Variants in KIAA1549 observed in about 807,000 individuals in gnomAD.
The protein encoded by KIAA1549 is UPF0606 protein KIAA1549.
KIAA1549 carries 70 observed loss-of-function variants against 156.4 expected under a neutral mutation model. The observed-to-expected ratio is 0.45, with a 90% CI of 0.37 to 0.55. The LOEUF is 0.55. Among genes scored for constraint, KIAA1549 ranks in the 20% least tolerant of loss-of-function variants. The probability of loss-of-function intolerance (pLI) is 0.00; values close to 1 mark genes in which losing one functional copy is unlikely to be tolerated. For missense variants in KIAA1549, 2,428 were observed against 2,540.9 expected, an observed-to-expected ratio of 0.96 and a Z score of 0.96; for synonymous variants, 1,103 against 1,066.4, an observed-to-expected ratio of 1.03 and a Z score of -0.67.
chr7:138,906,912 TA>T lies in KIAA1549; in HGVS notation c.3460+6del. ...CTCCCCAGCATGTCCAAGAGGGCTG[TA>T]CTCACGCTCTGCGATCTGCAGCACT... On this transcript the variant is annotated splice_donor_region_variant and intron_variant, in intron 6 of 19. Transcript: ENST00000422774. 6.3e-7 allele frequency: 1 copy of T among 1,580,876 alleles called. No homozygotes were observed. Among genetic ancestry groups the T allele is most frequent in the Non-Finnish European group, 8.6e-7 (1 of 1,165,962 alleles).
intron 10 of KIAA1549, among the ~76,000 whole-genome samples, chr7:138,883,461 C>A (rs953817199): frequency 2.6e-5 from 4 of 151,752 alleles, no homozygotes; most frequent in Non-Finnish European, 5.9e-5. Flanking sequence ...TAAGGGTGCA[C>A]GCCACCATGC....
At chr7:138,884,458 T>C (rs1350811845) in intron 10 of KIAA1549, among the ~76,000 whole-genome samples, 1 of 152,104 alleles carries the variant, frequency 6.6e-6, no homozygotes, top group African/African-American at 2.4e-5. Flanking sequence ...TTGTAGAGTT[T>C]AGGCAAAACT....
At chr7:138,913,255 C>G (rs903428160) in intron 2 of KIAA1549, among the ~76,000 whole-genome samples, 1 of 152,110 alleles carries the variant, frequency 6.6e-6, no homozygotes, top group Non-Finnish European at 1.5e-5. Context: ...GGTCTCCTAC[C>G]CCAATGTTTC....
At chr7:138,878,677 G>A (rs1213544579) in intron 12 of KIAA1549, among the ~76,000 whole-genome samples, 4 of 151,926 alleles carry the variant, frequency 2.6e-5, no homozygotes, top group Admixed American at 1.3e-4. Context: ...TGGGAGGATC[G>A]CCTGAGCCTG....
intron 1 of KIAA1549, among the ~76,000 whole-genome samples, chr7:138,920,169 T>C (rs1344439012): frequency 2.1e-5 from 3 of 145,604 alleles, no homozygotes; most frequent in African/African-American, 7.8e-5. Context: ...TGGAATGCCC[T>C]TCCCAGCTCT....
In KIAA1549 at chr7:138,917,697, T is replaced by C; in HGVS notation, c.1929A>G (p.Glu643=). The C allele has an allele frequency of 6.2e-7, 1 of 1,605,948 alleles. No homozygotes were observed. The highest frequency in any genetic ancestry group is 8.5e-7 in the Non-Finnish European group (1 of 1,175,890). ...GCATCAGAGACAGAGACGCAGGTGC[T>C]TCCGAAGGCGAAGAGATGGAGCCGC... is the stretch of plus-strand genomic sequence containing the variant. ...ELSGSISSPS[E]APASLSLMPS... The change falls in exon 2 of 20, where the codon GAA becomes GAG. Residue 643 remains glutamate (E), a synonymous_variant. Coordinates refer to ENST00000422774, the MANE Select transcript of KIAA1549 (RefSeq NM_001164665.2).
chr7:138,879,725 T>C (rs1811191053), intron 11 of KIAA1549, 72 bp from the exon 12 acceptor site: 1 of 1,021,460 alleles, frequency 9.8e-7, no homozygotes, highest in Admixed American at 2.5e-5. Flanking sequence ...CATTAATTTG[T>C]GTGTGGAAGT....
intron 1 of KIAA1549, among the ~76,000 whole-genome samples, chr7:138,951,993 G>A (rs1387447027): frequency 6.6e-6 from 1 of 152,182 alleles, no homozygotes. Flanking sequence ...CATGAATGCT[G>A]GGTTAACCAA....
At chr7:138,946,556 G>C (rs1813343571) in intron 1 of KIAA1549, among the ~76,000 whole-genome samples, 1 of 152,174 alleles carries the variant, frequency 6.6e-6, no homozygotes, top group Non-Finnish European at 1.5e-5. Flanking sequence ...GAGGCGGGCA[G>C]ATCACTTGAG....
chr7:138,904,279 AC>A (rs777595277), intron 7 of KIAA1549, among the ~76,000 whole-genome samples: 8 of 152,228 alleles, frequency 5.3e-5, no homozygotes, highest in Admixed American at 2.6e-4. Context: ...GTGCTTTTCA[AC>A]CAGAACTGGT....
At chr7:138,848,358 T>C (rs1030141471) in intron 17 of KIAA1549, among the ~76,000 whole-genome samples, 9 of 152,216 alleles carry the variant, frequency 5.9e-5, no homozygotes, top group African/African-American at 1.4e-4. Context: ...TTCTATTCTT[T>C]GTTTGCTAAG....
chr7:138,968,200 G>C (rs1413018495), intron 1 of KIAA1549, among the ~76,000 whole-genome samples: 2 of 152,156 alleles, frequency 1.3e-5, no homozygotes, highest in African/African-American at 4.8e-5. Context: ...AGGTGGGGTG[G>C]GAGGAGGGAG....
intron 12 of KIAA1549, among the ~76,000 whole-genome samples, chr7:138,879,040 T>C (rs933616994): frequency 1.3e-5 from 2 of 152,304 alleles, no homozygotes; most frequent in Non-Finnish European, 1.5e-5. Flanking sequence ...ACCTGGCCTG[T>C]GAAGCTGTCT....
Position 138,838,116 on chromosome 7 carries a change from A to C in KIAA1549, c.5643T>G (p.Phe1881Leu). ...CCCTGCCTGAAGTCCTTGGCACCTG[A>C]AATAGCGGTGAAGAAGAATACTCTT... ...GHQEYSSSPL[F>L]QVPRTSGREP... Residue 1881 changes from phenylalanine to leucine, a missense_variant, in exon 20 of 20, where the codon TTT becomes TTG. Coordinates refer to ENST00000422774, the MANE Select transcript of KIAA1549 (RefSeq NM_001164665.2). The C allele has an allele frequency of 6.5e-7, 1 of 1,539,274 alleles. No homozygotes were observed. Among genetic ancestry groups the C allele is most frequent in the Non-Finnish European group, 8.7e-7 (1 of 1,148,138 alleles).
At chr7:138,907,194 TTTTTTAAAGGAGGTAAAG>T (rs1382908481) in intron 5 of KIAA1549, 92 bp from the exon 6 acceptor site, 29 of 1,117,038 alleles carry the variant, frequency 2.6e-5, no homozygotes, top group Non-Finnish European at 3.2e-5. Flanking sequence ...TCTCACCGAT[TTTTTTAAAGGAGGTAAAG>T]TTTTTAAAGG....
In KIAA1549 at chr7:138,916,916, C is replaced by T. The variant is rs117908080; in HGVS notation, c.2710G>A (p.Ala904Thr). 7.5e-4 allele frequency: 1,209 copies of T among 1,612,714 alleles called. 21 individuals are homozygous for T. The East Asian group carries it at 0.024, about 32-fold the overall frequency. The part of the protein sequence containing the change: ...GPLDSTLMGD[A>T]ASQSPPESSA... Reference sequence around the variant, plus strand: ...CTCTCTGGGGGGCTCTGACTTGCGGCGTCACCCATCAGGGTGGAGTCGAGG... The same window carrying T: ...CTCTCTGGGGGGCTCTGACTTGCGGTGTCACCCATCAGGGTGGAGTCGAGG... Residue 904 changes from alanine to threonine, a missense_variant, in exon 2 of 20, where the codon GCC becomes ACC. Physicochemically the swap from Ala to Thr is moderately conservative, Grantham distance 58 (BLOSUM62 0). Coordinates refer to ENST00000422774, the MANE Select transcript of KIAA1549 (RefSeq NM_001164665.2).
chr7:138,844,543 C>T lies in KIAA1549; in HGVS notation c.5295-69G>A, dbSNP rs147716124. 275 of 1,367,096 alleles carry T rather than the reference C, an allele frequency of 2.0e-4. 1 individual carries two copies. In the East Asian group the frequency reaches 6.4e-3, roughly 32 times the overall value. 84.7% of individuals were successfully genotyped at this position (1,367,096 alleles called of 1,614,324 possible). ...TGGCCTTGGTATTCCATGAGGTCCACCCCCAACCTTACAGAAGGTAACACT... is the reference window on the plus strand; with the variant it reads ...TGGCCTTGGTATTCCATGAGGTCCATCCCCAACCTTACAGAAGGTAACACT... On this transcript the variant is annotated intron_variant, in intron 17 of 19. Transcript: ENST00000422774.
chr7:138,904,348 C>G (rs1299401988), intron 7 of KIAA1549, among the ~76,000 whole-genome samples: 1 of 152,166 alleles, frequency 6.6e-6, no homozygotes, highest in African/African-American at 2.4e-5. Flanking sequence ...TAGAAATTAT[C>G]TGGAAAAGAC....
At chr7:138,939,488 C>G (rs1380403281) in intron 1 of KIAA1549, among the ~76,000 whole-genome samples, 3 of 152,134 alleles carry the variant, frequency 2.0e-5, no homozygotes, top group Non-Finnish European at 4.4e-5. Context: ...TGTAGACAGT[C>G]CACATTCTAT....
Sources: gnomAD v4.1 joint callset for allele counts (sites outside exome capture counted in the v4.1 genomes callset) on GRCh38, gnomAD v4.1.1 for gene constraint, MANE v1.5 for transcripts, NCBI Gene and HGNC (gene_info 2026-07-23, HGNC 2026-07-21) for gene names.